Variants in MDM4 observed in about 807,000 individuals in gnomAD.
The protein encoded by MDM4 is protein Mdm4.
In MDM4, 2 loss-of-function variants were observed where a neutral mutation model predicts 60.2. That is an observed-to-expected ratio of 0.03 (90% CI 0.01 to 0.10). The LOEUF is 0.10. MDM4 is among the 10% of genes least tolerant of loss of function. MDM4 has a pLI of 1.00. For synonymous variants in MDM4, 202 were observed against 198.1 expected (o/e 1.02, Z -0.17); for missense variants, 447 against 577.5 (o/e 0.77, Z 2.32).
At chr1:204,537,068 A>G (rs946914304) in intron 5 of MDM4, 16 of 255,118 alleles carry the variant, frequency 6.3e-5, no homozygotes, top group Non-Finnish European at 1.2e-4. Flanking sequence ...TTTGTGAGTT[A>G]GGCGAATTTG....
chr1:204,533,024 G>T (rs1357643595), intron 5 of MDM4, among the ~76,000 whole-genome samples: 1 of 152,110 alleles, frequency 6.6e-6, no homozygotes, highest in African/African-American at 2.4e-5. Flanking sequence ...GGCTCAGGTG[G>T]TATCAGTCTG....
intron 4 of MDM4, among the ~76,000 whole-genome samples, chr1:204,531,393 G>A (rs2102355686): frequency 6.6e-6 from 1 of 152,306 alleles, no homozygotes; most frequent in Admixed American, 6.5e-5. Flanking sequence ...TCACAGTAGG[G>A]CTAACCTGAC....
rs757263195 is a variant in MDM4 at position 204,556,018 on chromosome 1, A to C, written c.*6336A>C. ...TCAACAGTAGCAAATGTGGTTTCAT[A>C]AAGTGGGAAGAAAACAGCATTTTAA... is the stretch of plus-strand genomic sequence containing the variant. On this transcript the variant is annotated 3_prime_UTR_variant, in exon 11 of 11. Coordinates refer to ENST00000367182, the MANE Select transcript of MDM4 (RefSeq NM_002393.5). The C allele has an allele frequency of 4.7e-6, 1 of 214,094 alleles. No homozygotes were observed. The highest frequency in any genetic ancestry group is 9.4e-6 in the Non-Finnish European group (1 of 106,190). 13.3% of individuals were successfully genotyped at this position (214,094 alleles called of 1,614,324 possible).
intron 1 of MDM4, among the ~76,000 whole-genome samples, chr1:204,518,199 A>C (rs1037049048): frequency 6.6e-6 from 1 of 152,186 alleles, no homozygotes; most frequent in African/African-American, 2.4e-5. Flanking sequence ...GCTGCAGTGC[A>C]GTGGCTATTC....
intron 3 of MDM4, among the ~76,000 whole-genome samples, chr1:204,527,701 C>CCT (rs4252684): frequency 6.6e-6 from 1 of 151,156 alleles, no homozygotes; most frequent in East Asian, 1.9e-4. Flanking sequence ...ATTTTAAACA[C>CCT]ATGCATTTAA....
intron 9 of MDM4, 32 bp downstream of exon 9, chr1:204,544,716 G>C (rs1477792378): frequency 1.2e-5 from 19 of 1,591,212 alleles, no homozygotes; most frequent in Non-Finnish European, 1.5e-5. Context: ...TGTTGATTCT[G>C]TTTGTGTGCT....
intron 5 of MDM4, chr1:204,532,699 T>C (rs1432852839): frequency 6.6e-6 from 10 of 1,513,670 alleles, no homozygotes; most frequent in Admixed American, 4.0e-5. Context: ...TTGGTTGATA[T>C]GTCTCATAAG....
chr1:204,538,501 G>A (rs2102397442), intron 7 of MDM4, among the ~76,000 whole-genome samples, 193 bp downstream of exon 7: 1 of 152,294 alleles, frequency 6.6e-6, no homozygotes, highest in East Asian at 1.9e-4. Context: ...CAACCCGTGA[G>A]TACTAGGATG....
chr1:204,546,521 T>C (rs927906667), intron 9 of MDM4, among the ~76,000 whole-genome samples: 1 of 152,216 alleles, frequency 6.6e-6, no homozygotes, highest in African/African-American at 2.4e-5. Context: ...AGCTATTTTC[T>C]TTAAAGTCAT....
Position 204,554,221 on chromosome 1 carries a change from A to G in MDM4, c.*4539A>G, listed in dbSNP as rs1316953670. The G allele has an allele frequency of 4.4e-6, 1 of 226,068 alleles. No individual in the cohort carries two copies. The highest frequency in any genetic ancestry group is 8.8e-6 in the Non-Finnish European group (1 of 113,780). 14.0% of individuals were successfully genotyped at this position (226,068 alleles called of 1,614,324 possible). A position where few individuals can be genotyped will look rare whatever the true frequency, so the allele number is the denominator to read the frequency against. The stretch of plus-strand genomic sequence containing the variant: ...ATGTTACCTCTTGACTCGCTTTTGA[A>G]AGGAAGACAATTGTTAACTAGATAT... On this transcript the variant is annotated 3_prime_UTR_variant, in exon 11 of 11. Transcript: ENST00000367182.
chr1:204,554,533 G>A lies in MDM4; in HGVS notation c.*4851G>A. On this transcript the variant is annotated 3_prime_UTR_variant, in exon 11 of 11. Transcript: ENST00000367182. ...ATGTACCAAACGTGAAATTTACAGT[G>A]TTTACAAATGTCTGGAATTTTGCAC... is the stretch of plus-strand genomic sequence containing the variant. 8.9e-6 allele frequency: 2 copies of A among 225,134 alleles called. No individual in the cohort carries two copies. Among genetic ancestry groups the A allele is most frequent in the East Asian group, 1.3e-4 (2 of 15,526 alleles). The allele number at this position is 225,134 out of a possible 1,614,324, so 13.9% of individuals were successfully genotyped here.
At chr1:204,528,853 T>C in intron 3 of MDM4, 2 of 1,555,908 alleles carry the variant, frequency 1.3e-6, no homozygotes, top group Middle Eastern at 2.3e-4. Context: ...GGTCATAGCA[T>C]CCGAGCTGTC....
At chr1:204,528,910 C>G in intron 3 of MDM4, 2 of 1,593,960 alleles carry the variant, frequency 1.3e-6, no homozygotes, top group Non-Finnish European at 1.7e-6. Context: ...CCTTGTACAG[C>G]TGTGTCCTTC....
chr1:204,541,502 G>C (rs1483029229), intron 7 of MDM4, among the ~76,000 whole-genome samples: 1 of 152,110 alleles, frequency 6.6e-6, no homozygotes, highest in African/African-American at 2.4e-5. Context: ...TTGGGGGCAA[G>C]GGCAGGTATT....
intron 1 of MDM4, among the ~76,000 whole-genome samples, chr1:204,519,165 G>C (rs550056111): frequency 6.6e-6 from 1 of 152,204 alleles, no homozygotes; most frequent in African/African-American, 2.4e-5. Context: ...AATGTGCTGA[G>C]GGGATAGACC....
chr1:204,517,862 T>TC (rs1431178482), intron 1 of MDM4, among the ~76,000 whole-genome samples: 1 of 151,764 alleles, frequency 6.6e-6, no homozygotes, highest in Non-Finnish European at 1.5e-5. Flanking sequence ...ACATTTTTTT[T>TC]TTAATAGATG....
intron 4 of MDM4, among the ~76,000 whole-genome samples, chr1:204,531,422 T>C (rs1660840041): frequency 6.6e-6 from 1 of 152,232 alleles, no homozygotes; most frequent in African/African-American, 2.4e-5. Context: ...TTTCTCCAGC[T>C]GCATGGGGTG....
At position 204,556,638 on chromosome 1, in the gene MDM4, GT is replaced by G. The variant is rs1663557243; in HGVS notation, c.*6957del. ...TTGAGCCTGGGAGGTGGAGGTTGCA[GT>G]GAGCTGAGATGGCACCACTGCAATC... On this transcript the variant is annotated 3_prime_UTR_variant, in exon 11 of 11. Coordinates refer to ENST00000367182, the MANE Select transcript of MDM4 (RefSeq NM_002393.5). 2 of 204,368 alleles carry G rather than the reference GT, an allele frequency of 9.8e-6. No homozygotes were observed. Among genetic ancestry groups the G allele is most frequent in the Non-Finnish European group, 2.0e-5 (2 of 99,920 alleles). The allele number at this position is 204,368 out of a possible 1,614,324, so 12.7% of individuals were successfully genotyped here.
Position 204,532,181 on chromosome 1 carries a change from T to A in MDM4, c.288-10T>A. The A allele has an allele frequency of 6.3e-7, 1 of 1,576,804 alleles. No individual in the cohort carries two copies. The highest frequency in any genetic ancestry group is 8.7e-7 in the Non-Finnish European group (1 of 1,147,544). ...GGGGTTGTTAATTTTTTATCTTCTC[T>A]CTTTAACAGCCCTCTCTATGATATG... On this transcript the variant is annotated splice_polypyrimidine_tract_variant and intron_variant, in intron 4 of 10. Transcript: ENST00000367182.
Sources: gnomAD v4.1 joint callset for allele counts (sites outside exome capture counted in the v4.1 genomes callset) on GRCh38, gnomAD v4.1.1 for gene constraint, MANE v1.5 for transcripts, NCBI Gene and HGNC (gene_info 2026-07-23, HGNC 2026-07-21) for gene names.